OFD1: variants seen among roughly 807,000 people sequenced by gnomAD.
OFD1 encodes the protein centriole and centriolar satellite protein OFD1.
A neutral mutation model predicts 81.4 loss-of-function variants in OFD1; 12 were observed. The ratio of observed to expected loss-of-function variants is 0.15; its 90% CI spans 0.09 to 0.24. OFD1 has a LOEUF of 0.24. Among genes scored for constraint, OFD1 ranks in the 10% least tolerant of loss-of-function variants. OFD1 has a pLI of 1.00. For missense variants in OFD1, 685 were observed against 733.9 expected, an observed-to-expected ratio of 0.93 and a Z score of 0.77; for synonymous variants, 256 against 263.7, an observed-to-expected ratio of 0.97 and a Z score of 0.28.
At chrX:13,738,469 A>G (rs2046961997) in intron 3 of OFD1, among the ~76,000 whole-genome samples, 2 of 112,656 alleles carry the variant, frequency 1.8e-5, no homozygotes, top group Non-Finnish European at 3.8e-5. Context: ...GTAAAAATCT[A>G]TTTACATTTT....
downstream of OFD1, chrX:13,769,433 T>G: frequency 4.7e-6 from 1 of 212,084 alleles, no homozygotes; most frequent in African/African-American, 2.9e-5. Flanking sequence ...TTTGGAAGTA[T>G]AAGCTGTGTT....
rs199773671 is a variant in OFD1 at position 13,749,545 on chromosome X, A to G, written c.935+12A>G. The G allele has an allele frequency of 3.2e-5, 32 of 1,004,251 alleles. No individual in the cohort carries two copies. In the African/African-American group the frequency reaches 3.5e-4, roughly 11 times the overall value. The allele number at this position is 1,004,251 out of a possible 1,213,427, so 82.8% of individuals were successfully genotyped here. A position where few individuals can be genotyped will look rare whatever the true frequency, so the allele number is the denominator to read the frequency against. ...GAAGCTTTTGAATTGTAAGTAATGC[A>G]TGTTCATTTTGGATATTCAGAATGA... is the stretch of plus-strand genomic sequence containing the variant. On this transcript the variant is annotated intron_variant, in intron 9 of 22. Coordinates refer to ENST00000340096, the MANE Select transcript of OFD1 (RefSeq NM_003611.3).
In OFD1 at chrX:13,755,289, A is replaced by G. The variant is rs374184124; in HGVS notation, c.1221+47A>G. 113 of 940,956 alleles carry G rather than the reference A, an allele frequency of 1.2e-4. No individual in the cohort carries two copies. The African/African-American group carries it at 2.0e-3, about 16-fold the overall frequency. 77.5% of individuals were successfully genotyped at this position (940,956 alleles called of 1,213,427 possible). On this transcript the variant is annotated intron_variant, in intron 12 of 22. Transcript: ENST00000340096. Reference sequence around the variant, plus strand: ...TTTTGAAATAGATTTTAAGCAATATATGAAATTTTAGTCATACATAATTTA... The same window carrying G: ...TTTTGAAATAGATTTTAAGCAATATGTGAAATTTTAGTCATACATAATTTA...
chrX:13,744,046 T>C (rs1469300471), intron 5 of OFD1, among the ~76,000 whole-genome samples: 1 of 111,857 alleles, frequency 8.9e-6, no homozygotes, highest in Non-Finnish European at 1.9e-5. Context: ...CCCAGCACTT[T>C]GGGAGGCCCA....
intron 5 of OFD1, among the ~76,000 whole-genome samples, chrX:13,742,341 CAAAAT>C (rs1220574030): frequency 9.0e-6 from 1 of 111,381 alleles, no homozygotes; most frequent in African/African-American, 3.3e-5. Context: ...AAAACTAACT[CAAAAT>C]GAACCATAGA....
chrX:13,770,540 T>A (rs1216622758), downstream of OFD1, among the ~76,000 whole-genome samples: 1 of 112,543 alleles, frequency 8.9e-6, no homozygotes, highest in African/African-American at 3.2e-5. Flanking sequence ...TAGAACTAGG[T>A]TTTTTTGTAT....
the OFD1 span, chrX:13,720,038 T>C: frequency 1.2e-6 from 1 of 819,938 alleles, no homozygotes; most frequent in Non-Finnish European, 1.7e-6. Flanking sequence ...AATTAAAAAA[T>C]GACTAATGGG....
chrX:13,755,143 T>A lies in OFD1; in HGVS notation c.1130-8T>A. 1 of 1,191,570 alleles carries A rather than the reference T, an allele frequency of 8.4e-7. No homozygotes were observed. On this transcript the variant is annotated splice_polypyrimidine_tract_variant and splice_region_variant and intron_variant, in intron 11 of 22. Coordinates refer to ENST00000340096, the MANE Select transcript of OFD1 (RefSeq NM_003611.3). ...TTATGGTGTTTAATTGGTGGGCTCT[T>A]TTTTCAGAAAAAGCTGTTCATTTGC... is the stretch of plus-strand genomic sequence containing the variant.
At chrX:13,736,119 G>A in intron 2 of OFD1, 1 of 847,781 alleles carries the variant, frequency 1.2e-6, no homozygotes, top group Non-Finnish European at 1.4e-6. Flanking sequence ...CCACAGAGGT[G>A]TGATGAAGTG....
At chrX:13,722,921 A>G in the OFD1 span, among the ~76,000 whole-genome samples, 3 of 109,633 alleles carry the variant, frequency 2.7e-5, no homozygotes, top group East Asian at 2.9e-4. Context: ...AAATTAGCCG[A>G]GTGTGGTGGT....
chrX:13,742,831 G>A (rs1427375544), intron 5 of OFD1, among the ~76,000 whole-genome samples: 1 of 111,373 alleles, frequency 9.0e-6, no homozygotes, highest in Non-Finnish European at 1.9e-5. Flanking sequence ...GCCAAAAGAC[G>A]CTGTTAAGAG....
At chrX:13,753,303 G>A in intron 10 of OFD1, 65 bp from the exon 11 acceptor site, 1 of 1,206,978 alleles carries the variant, frequency 8.3e-7, no homozygotes, top group Non-Finnish European at 1.1e-6. Context: ...ATAAGCTCCT[G>A]CACTGATAAC....
At chrX:13,744,564 T>C (rs1183964220) in intron 6 of OFD1, 45 bp downstream of exon 6, 1 of 813,494 alleles carries the variant, frequency 1.2e-6, no homozygotes, top group Non-Finnish European at 1.9e-6. Context: ...CTGTTTTCAT[T>C]TTGAATGAAG....
At chrX:13,739,817 A>G (rs917320494) in intron 5 of OFD1, 3 of 749,727 alleles carry the variant, frequency 4.0e-6, no homozygotes, top group Admixed American at 8.7e-5. Context: ...ATAGCCATTC[A>G]TAGAGTCCAT....
chrX:13,746,681 A>G, intron 7 of OFD1, 99 bp from the exon 8 acceptor site: 1 of 703,064 alleles, frequency 1.4e-6, no homozygotes, highest in Non-Finnish European at 2.1e-6. Flanking sequence ...ATATATTTGG[A>G]CAGAGCATTA....
intron 18 of OFD1, among the ~76,000 whole-genome samples, chrX:13,762,695 ATTAAC>A (rs1370736552): frequency 8.9e-6 from 1 of 112,821 alleles, no homozygotes; most frequent in Non-Finnish European, 1.9e-5. Context: ...TAAATGAATT[ATTAAC>A]TTATCAGATT....
chrX:13,723,917 T>C, the OFD1 span, among the ~76,000 whole-genome samples: 1 of 111,558 alleles, frequency 9.0e-6, no homozygotes, highest in Non-Finnish European at 1.9e-5. Context: ...AGGAACATTG[T>C]CCTGGATCAT....
At chrX:13,768,490 C>G (rs1209559086) in intron 21 of OFD1, among the ~76,000 whole-genome samples, 1 of 112,015 alleles carries the variant, frequency 8.9e-6, no homozygotes, top group Non-Finnish European at 1.9e-5. Flanking sequence ...AAAGATCTAT[C>G]AAATGCATTA....
rs1569157687 is a variant in OFD1, at chrX:13,763,791, T to C, written c.2535T>C (p.Pro845=). Reference sequence around the variant, plus strand: ...AGTTGGAAATGGGCGGGCTTTCTCCTGCCGGGGATATGTCTCATGTGGACG... The same window carrying C: ...AGTTGGAAATGGGCGGGCTTTCTCCCGCCGGGGATATGTCTCATGTGGACG... The part of the protein sequence containing the change: ...PRQLEMGGLS[P]AGDMSHVDAA... Residue 845 remains proline, a synonymous_variant, in exon 19 of 23, where the codon CCT becomes CCC. Transcript: ENST00000340096. 8.3e-7 allele frequency: 1 copy of C among 1,211,677 alleles called. No homozygotes were observed.
Sources: gnomAD v4.1 joint callset for allele counts (sites outside exome capture counted in the v4.1 genomes callset) on GRCh38, gnomAD v4.1.1 for gene constraint, MANE v1.5 for transcripts, NCBI Gene and HGNC (gene_info 2026-07-23, HGNC 2026-07-21) for gene names.